Variants in KTN1 observed in about 807,000 individuals in gnomAD.
The protein encoded by KTN1 is kinectin 1, also known as kinectin.
Under a neutral mutation model 222.5 loss-of-function variants are expected in KTN1, and 130 were observed. The ratio of observed to expected loss-of-function variants is 0.58; its 90% CI spans 0.51 to 0.68. KTN1 has a LOEUF of 0.68. Among genes scored for constraint, KTN1 ranks in the 30% least tolerant of loss-of-function variants. The pLI is 0.00. For synonymous variants in KTN1, 512 were observed against 496.3 expected (o/e 1.03, Z -0.42); for missense variants, 1,508 against 1,500.4 (o/e 1.01, Z -0.08).
At chr14:55,620,915 T>A (rs1201919282) in intron 5 of KTN1, among the ~76,000 whole-genome samples, 1 of 152,230 alleles carries the variant, frequency 6.6e-6, no homozygotes, top group Non-Finnish European at 1.5e-5. Flanking sequence ...TTTTCTTTTC[T>A]ATGGCATCAT....
At chr14:55,597,769 A>G (rs1288494401) in intron 1 of KTN1, among the ~76,000 whole-genome samples, 1 of 152,002 alleles carries the variant, frequency 6.6e-6, no homozygotes, top group Non-Finnish European at 1.5e-5. Flanking sequence ...CCAGAGAATC[A>G]TTTGAGCCCG....
chr14:55,632,150 A>C (rs1197589002), intron 7 of KTN1, among the ~76,000 whole-genome samples: 1 of 152,188 alleles, frequency 6.6e-6, no homozygotes, highest in Non-Finnish European at 1.5e-5. Context: ...GAGTTAGTGA[A>C]GAACTGATTT....
chr14:55,675,619 A>G, intron 40 of KTN1: 1 of 392,344 alleles, frequency 2.5e-6, no homozygotes, highest in Non-Finnish European at 4.5e-6. Flanking sequence ...TTTCTACTCT[A>G]AACTGTAGTT....
Position 55,624,136 on chromosome 14 carries a change from C to A in KTN1, c.964-3776C>A, listed in dbSNP as rs187440180. Among the ~76,000 whole-genome samples, 7 of 152,268 alleles carry A rather than the reference C, an allele frequency of 4.6e-5. No homozygotes were observed. In the East Asian group the frequency reaches 1.3e-3, roughly 29 times the overall value. ...TGGTTTCTCATGGGGCGGTTCTGTT[C>A]TCTACTGAAGGAACTCTGCCTTTGT... On this transcript the variant is annotated intron_variant, in intron 5 of 43. Coordinates refer to ENST00000395314, the MANE Select transcript of KTN1 (RefSeq NM_001079521.2).
intron 18 of KTN1, among the ~76,000 whole-genome samples, chr14:55,643,096 G>C (rs77575625): frequency 0.036 from 5,455 of 152,182 alleles, 327 homozygotes; most frequent in Admixed American, 0.13. Context: ...TTTTAGCAGA[G>C]ACGGGGTTTT....
At chr14:55,670,490 A>G (rs962891314) in intron 34 of KTN1, among the ~76,000 whole-genome samples, 2 of 152,054 alleles carry the variant, frequency 1.3e-5, no homozygotes, top group African/African-American at 4.8e-5. Context: ...GGTTAGGTAT[A>G]TAATATTTTA....
chr14:55,596,822 T>C (rs1237276606), intron 1 of KTN1, among the ~76,000 whole-genome samples: 1 of 150,350 alleles, frequency 6.7e-6, no homozygotes, highest in Non-Finnish European at 1.5e-5. Flanking sequence ...TTTGACAAAG[T>C]TTTTTTTGCC....
intron 1 of KTN1, among the ~76,000 whole-genome samples, chr14:55,598,945 T>G (rs2035518012): frequency 6.6e-6 from 1 of 152,240 alleles, no homozygotes; most frequent in Non-Finnish European, 1.5e-5. Context: ...GAATTCCCAT[T>G]GGATTTATTG....
intron 39 of KTN1, 57 bp from the exon 40 acceptor site, chr14:55,673,115 A>T: frequency 6.7e-7 from 1 of 1,500,690 alleles, no homozygotes; most frequent in Non-Finnish European, 9.3e-7. Context: ...TCCGAGTAGC[A>T]TACAAAACAT....
chr14:55,633,556 A>T (rs369608917), intron 8 of KTN1, among the ~76,000 whole-genome samples: 2 of 151,666 alleles, frequency 1.3e-5, no homozygotes, highest in East Asian at 1.9e-4. Flanking sequence ...TCATACTATT[A>T]TATACTTATA....
At chr14:55,580,992 T>C (rs1253118554) in intron 1 of KTN1, among the ~76,000 whole-genome samples, 1 of 152,216 alleles carries the variant, frequency 6.6e-6, no homozygotes, top group Admixed American at 6.5e-5. Flanking sequence ...GGGGGGACTT[T>C]GGAAAAATCC....
intron 25 of KTN1, among the ~76,000 whole-genome samples, chr14:55,652,207 G>T (rs1369388513): frequency 6.6e-6 from 1 of 151,912 alleles, no homozygotes; most frequent in African/African-American, 2.4e-5. Context: ...ATGTGAAATT[G>T]GTATCTTCCA....
Position 55,667,235 on chromosome 14 carries a change from C to CT in KTN1, c.3178-3dup, listed in dbSNP as rs755875301. On this transcript the variant is annotated splice_region_variant and splice_polypyrimidine_tract_variant and intron_variant, in intron 33 of 43. Transcript: ENST00000395314. Reference sequence around the variant, plus strand: ...TAAGTTTGATTTGGCTCATCTTCTGCTTTAGGAAAGGCAGCAACAGGTGGA... The same window carrying CT: ...TAAGTTTGATTTGGCTCATCTTCTGCTTTTAGGAAAGGCAGCAACAGGTGGA... 3 of 1,574,672 alleles carry CT rather than the reference C, an allele frequency of 1.9e-6. No individual in the cohort carries two copies. Among genetic ancestry groups the CT allele is most frequent in the Non-Finnish European group, 2.6e-6 (3 of 1,155,256 alleles).
At position 55,675,861 on chromosome 14, in the gene KTN1, C is replaced by G; in HGVS notation, c.3798C>G (p.Leu1266=). Residue 1266 remains leucine (L), a synonymous_variant, in exon 41 of 44, where the codon CTC becomes CTG. Transcript: ENST00000395314. ...TGAAGGCACAGTTAAATGAAACACT[C>G]ACAAAACTTAGAACTGAACAAAATG... The part of the protein sequence containing the change: ...NLLKAQLNET[L]TKLRTEQNER... 1 of 1,612,646 alleles carries G rather than the reference C, an allele frequency of 6.2e-7. No homozygotes were observed. Among genetic ancestry groups the G allele is most frequent in the Non-Finnish European group, 8.5e-7 (1 of 1,178,834 alleles).
At chr14:55,618,578 T>C (rs535800784) in intron 4 of KTN1, among the ~76,000 whole-genome samples, 24 of 152,334 alleles carry the variant, frequency 1.6e-4, no homozygotes, top group African/African-American at 5.8e-4. Flanking sequence ...GAGGCTCCTT[T>C]GAGTCTGATG....
Position 55,684,218 on chromosome 14 carries a change from G to T in KTN1, c.*115G>T. The T allele has an allele frequency of 1.3e-6, 1 of 771,132 alleles. No homozygotes were observed. The highest frequency in any genetic ancestry group is 2.0e-6 in the Non-Finnish European group (1 of 492,142). 47.8% of individuals were successfully genotyped at this position (771,132 alleles called of 1,614,324 possible). On this transcript the variant is annotated 3_prime_UTR_variant, in exon 44 of 44. Coordinates refer to ENST00000395314, the MANE Select transcript of KTN1 (RefSeq NM_001079521.2). ...TACTTTGTCAGAAACACTGAACAGA[G>T]TTTTGTCTTTTCTAATCCTTGTTAG...
At chr14:55,582,623 T>A (rs533017352) in intron 1 of KTN1, among the ~76,000 whole-genome samples, 95 of 150,002 alleles carry the variant, frequency 6.3e-4, no homozygotes, top group African/African-American at 2.4e-3. Context: ...TTAACTTGAA[T>A]GGAACATGTG....
intron 18 of KTN1, among the ~76,000 whole-genome samples, chr14:55,642,505 A>G (rs1191924277): frequency 1.3e-5 from 2 of 152,190 alleles, no homozygotes; most frequent in Admixed American, 1.3e-4. Context: ...TCTTACAATT[A>G]CAATTTATTA....
intron 1 of KTN1, among the ~76,000 whole-genome samples, chr14:55,600,813 CTA>C (rs1232724857): frequency 6.6e-6 from 1 of 151,778 alleles, no homozygotes; most frequent in African/African-American, 2.4e-5. Flanking sequence ...ATTTGAAAGA[CTA>C]TTTTAAAAAG....
Sources: allele counts gnomAD v4.1 joint callset (sites outside exome capture counted in the v4.1 genomes callset), GRCh38; gene constraint gnomAD v4.1.1; transcripts MANE v1.5; gene names NCBI Gene and HGNC (gene_info 2026-07-23, HGNC 2026-07-21).